Variants in ZNF451 observed in about 807,000 individuals in gnomAD.
The protein encoded by ZNF451 is E3 SUMO-protein ligase ZNF451.
ZNF451 carries 80 observed loss-of-function variants against 107.1 expected under a neutral mutation model. The observed-to-expected ratio is 0.75, with a 90% CI of 0.62 to 0.90. The LOEUF (loss-of-function observed/expected upper bound fraction) is 0.90. Ranked by LOEUF, ZNF451 falls within the 40% of genes least tolerant of loss-of-function variation. The pLI is 0.00. For synonymous variants in ZNF451, 362 were observed against 406.5 expected (o/e 0.89, Z 1.32); for missense variants, 1,107 against 1,236.2 (o/e 0.90, Z 1.57).
chr6:57,106,410 A>G (rs1244971202), intron 3 of ZNF451: 5 of 688,248 alleles, frequency 7.3e-6, no homozygotes, highest in African/African-American at 2.0e-5. Flanking sequence ...CCCGGGTTCA[A>G]GCAATTCTGT....
intron 3 of ZNF451, chr6:57,101,645 T>C (rs1278944786): frequency 2.6e-6 from 4 of 1,550,572 alleles, no homozygotes; most frequent in Non-Finnish European, 3.5e-6. Flanking sequence ...GAAGATCTGG[T>C]TCATGACCCA....
intron 3 of ZNF451, chr6:57,102,259 G>A (rs1593083468): frequency 3.7e-6 from 5 of 1,359,360 alleles, no homozygotes; most frequent in Non-Finnish European, 3.8e-6. Context: ...TTGAAATGAA[G>A]TATATAATAA....
chr6:57,091,634 A>G (rs1367974601), intron 2 of ZNF451, among the ~76,000 whole-genome samples: 1 of 152,078 alleles, frequency 6.6e-6, no homozygotes, highest in Non-Finnish European at 1.5e-5. Context: ...TTTTGGGGTG[A>G]TTTTCTTCCA....
At chr6:57,161,009 G>A in intron 13 of ZNF451, 75 bp from the exon 14 acceptor site, 4 of 890,254 alleles carry the variant, frequency 4.5e-6, no homozygotes, top group Non-Finnish European at 6.7e-6. Flanking sequence ...TTGGGTATGA[G>A]CAGTTATTGA....
At chr6:57,124,502 A>T (rs769932695) in intron 3 of ZNF451, 2 of 715,214 alleles carry the variant, frequency 2.8e-6, no homozygotes, top group South Asian at 3.0e-5. Flanking sequence ...CTTTTAAGTG[A>T]ATAAAGATGA....
In ZNF451 at chr6:57,147,073, C is replaced by T. The variant is rs1832101676; in HGVS notation, c.1005-17C>T. 1.9e-6 allele frequency: 3 copies of T among 1,560,738 alleles called. No individual in the cohort carries two copies. Among genetic ancestry groups the T allele is most frequent in the South Asian group, 1.2e-5 (1 of 82,008 alleles). On this transcript the variant is annotated splice_polypyrimidine_tract_variant and intron_variant, in intron 9 of 14. Transcript: ENST00000370706. ...AATACTTCTGAAAGACTTTCTATTT[C>T]TTTTTATCTAATTTAGAGTTCATTG...
intron 14 of ZNF451, 64 bp downstream of exon 14, chr6:57,161,216 C>A (rs376589088): frequency 2.1e-6 from 2 of 973,272 alleles, no homozygotes; most frequent in South Asian, 2.5e-5. Context: ...TTAAATTTCT[C>A]TGTCTCTCAC....
rs140445679 is a variant in ZNF451, at chr6:57,102,636, C to T, written c.186+3495C>T. On this transcript the variant is annotated intron_variant, in intron 3 of 14. Transcript: ENST00000370706. ...CAAGATGGTCAACTCACCAAGAGTCCGTACTACTATCAAGCTCTGTGAGAC... is the reference window on the plus strand; with the variant it reads ...CAAGATGGTCAACTCACCAAGAGTCTGTACTACTATCAAGCTCTGTGAGAC... 98 of 985,792 alleles carry T rather than the reference C, an allele frequency of 9.9e-5. 1 individual carries two copies. In the South Asian group the frequency reaches 3.2e-3, roughly 33 times the overall value. The allele number at this position is 985,792 out of a possible 1,614,324, so 61.1% of individuals were successfully genotyped here. A position where few individuals can be genotyped will look rare whatever the true frequency, so the allele number is the denominator to read the frequency against.
chr6:57,161,230 T>G, intron 14 of ZNF451, 78 bp downstream of exon 14: 1 of 774,392 alleles, frequency 1.3e-6, no homozygotes, highest in South Asian at 3.2e-5. Flanking sequence ...CTCTCACCCA[T>G]TCACCCCTCT....
At position 57,150,701 on chromosome 6, in the gene ZNF451, A is replaced by C; in HGVS notation, c.2609-18A>C. Reference sequence around the variant, plus strand: ...GCAAATTCTTACTGAACTCATGTTGATATTTCTCTCTTCTCAGAGGAAGAA... The same window carrying C: ...GCAAATTCTTACTGAACTCATGTTGCTATTTCTCTCTTCTCAGAGGAAGAA... On this transcript the variant is annotated intron_variant, in intron 10 of 14. Coordinates refer to ENST00000370706, the MANE Select transcript of ZNF451 (RefSeq NM_001031623.3). 1 of 1,583,812 alleles carries C rather than the reference A, an allele frequency of 6.3e-7. No individual in the cohort carries two copies. The highest frequency in any genetic ancestry group is 8.6e-7 in the Non-Finnish European group (1 of 1,168,196).
At chr6:57,123,103 G>A (rs982732174) in intron 3 of ZNF451, among the ~76,000 whole-genome samples, 5 of 152,162 alleles carry the variant, frequency 3.3e-5, no homozygotes, top group Admixed American at 6.5e-5. Context: ...GGCAGGTCAG[G>A]GCTGCGGTGA....
At chr6:57,105,733 C>T in intron 3 of ZNF451, 1 of 985,302 alleles carries the variant, frequency 1.0e-6, no homozygotes, top group Non-Finnish European at 1.2e-6. Flanking sequence ...TAACCTTGTT[C>T]TTAGCCATGA....
intron 3 of ZNF451, among the ~76,000 whole-genome samples, chr6:57,110,240 A>G (rs780920931): frequency 1.1e-4 from 16 of 152,154 alleles, no homozygotes; most frequent in Non-Finnish European, 2.4e-4. Flanking sequence ...TTTAGGGGGA[A>G]CAGAAATGAA....
At chr6:57,110,871 T>G (rs1432086428) in intron 3 of ZNF451, among the ~76,000 whole-genome samples, 2 of 151,962 alleles carry the variant, frequency 1.3e-5, no homozygotes, top group African/African-American at 4.8e-5. Flanking sequence ...GTTTTTTAAG[T>G]TTTTTTCCTT....
At chr6:57,100,677 T>C in intron 3 of ZNF451, 1 of 1,550,206 alleles carries the variant, frequency 6.5e-7, no homozygotes, top group Non-Finnish European at 8.7e-7. Context: ...ATGTTCCTCT[T>C]CCCATTGGAG....
At chr6:57,115,878 G>C (rs1830342413) in intron 3 of ZNF451, among the ~76,000 whole-genome samples, 1 of 152,144 alleles carries the variant, frequency 6.6e-6, no homozygotes, top group African/African-American at 2.4e-5. Context: ...CATTAGTCCA[G>C]GGTGACCATA....
chr6:57,105,120 T>A, intron 3 of ZNF451: 2 of 985,388 alleles, frequency 2.0e-6, no homozygotes, highest in Non-Finnish European at 2.4e-6. Context: ...AGATAATAAA[T>A]CCTCATATTA....
At chr6:57,106,736 T>C in intron 3 of ZNF451, 1 of 985,226 alleles carries the variant, frequency 1.0e-6, no homozygotes, top group Non-Finnish European at 1.2e-6. Flanking sequence ...TAATTGATTG[T>C]CTCATCTGTA....
intron 3 of ZNF451, among the ~76,000 whole-genome samples, chr6:57,121,576 A>G (rs1441422899): frequency 1.3e-5 from 2 of 152,186 alleles, no homozygotes; most frequent in Non-Finnish European, 2.9e-5. Context: ...TATCATCTCT[A>G]TATACCAATA....
Sources: allele counts gnomAD v4.1 joint callset (sites outside exome capture counted in the v4.1 genomes callset), GRCh38; gene constraint gnomAD v4.1.1; transcripts MANE v1.5; gene names NCBI Gene and HGNC (gene_info 2026-07-23, HGNC 2026-07-21).